The following CNTNAP2 variants were observed in gnomAD, a reference collection of about 807,000 sequenced individuals.
CNTNAP2 encodes the protein contactin associated protein 2, also known as contactin-associated protein-like 2.
CNTNAP2 carries 98 observed loss-of-function variants against 155.2 expected under a neutral mutation model. The ratio of observed to expected loss-of-function variants is 0.63; its 90% confidence interval spans 0.54 to 0.75. The LOEUF (loss-of-function observed/expected upper bound fraction) is 0.75. Among genes scored for constraint, CNTNAP2 ranks in the 30% least tolerant of loss-of-function variants. The pLI, the probability that CNTNAP2 is intolerant of heterozygous loss-of-function variation, is 0.00. For missense variants in CNTNAP2, 1,727 were observed against 1,688.1 expected (o/e 1.02, Z -0.40); for synonymous variants, 651 against 631.2 (o/e 1.03, Z -0.47).
chr7:147,585,051 C>T (rs952212453), intron 12 of CNTNAP2, among the ~76,000 whole-genome samples: 2 of 152,128 alleles, frequency 1.3e-5, no homozygotes, highest in African/African-American at 2.4e-5. Context: ...CTGTGTTGCC[C>T]ACAGCCTTCT....
At chr7:147,712,498 A>G (rs1245904012) in intron 13 of CNTNAP2, among the ~76,000 whole-genome samples, 2 of 152,208 alleles carry the variant, frequency 1.3e-5, no homozygotes, top group African/African-American at 2.4e-5. Flanking sequence ...AACCAATCCA[A>G]ATGCCCATCA....
intron 9 of CNTNAP2, among the ~76,000 whole-genome samples, chr7:147,374,733 AG>A (rs1456920232): frequency 1.3e-5 from 2 of 152,064 alleles, no homozygotes; most frequent in Non-Finnish European, 2.9e-5. Context: ...ACATAGGAAA[AG>A]AGGAATTTCC....
At chr7:146,307,857 G>T (rs1458632372) in intron 1 of CNTNAP2, among the ~76,000 whole-genome samples, 1 of 150,298 alleles carries the variant, frequency 6.7e-6, no homozygotes, top group East Asian at 1.9e-4. Context: ...TTAAATGTTA[G>T]ACCTAAAACC....
chr7:147,850,569 C>G (rs1483005752), intron 13 of CNTNAP2, among the ~76,000 whole-genome samples: 2 of 152,150 alleles, frequency 1.3e-5, no homozygotes, highest in African/African-American at 4.8e-5. Flanking sequence ...GGTGCCAAAA[C>G]AGATATATAG....
At chr7:146,948,216 A>C (rs1249709251) in intron 3 of CNTNAP2, among the ~76,000 whole-genome samples, 1 of 152,098 alleles carries the variant, frequency 6.6e-6, no homozygotes, top group Admixed American at 6.6e-5. Flanking sequence ...TTTTATGCCA[A>C]TTTCTTTGCA....
chr7:147,790,633 G>C (rs966733319), intron 13 of CNTNAP2, among the ~76,000 whole-genome samples: 5 of 152,172 alleles, frequency 3.3e-5, no homozygotes, highest in African/African-American at 4.8e-5. Context: ...CAGTTGTTTA[G>C]ATGCTATTCT....
At chr7:146,446,755 G>T (rs187112639) in intron 1 of CNTNAP2, among the ~76,000 whole-genome samples, 10 of 152,090 alleles carry the variant, frequency 6.6e-5, no homozygotes, top group African/African-American at 2.4e-4. Flanking sequence ...TGGCTGGAGA[G>T]AAATCTACTT....
intron 1 of CNTNAP2, among the ~76,000 whole-genome samples, chr7:146,686,032 C>A (rs1247390981): frequency 2.0e-5 from 3 of 152,106 alleles, no homozygotes; most frequent in African/African-American, 7.2e-5. Context: ...CATGATGGCT[C>A]ACACCTGTAA....
rs559026843 is a variant in CNTNAP2, at chr7:146,232,022, C to T, written c.97+115049C>T. Among the ~76,000 whole-genome samples, 46 of 152,110 alleles carry T rather than the reference C, an allele frequency of 3.0e-4. 2 individuals carry two copies. The South Asian group carries it at 9.1e-3, about 30-fold the overall frequency. On this transcript the variant is annotated intron_variant, in intron 1 of 23. Transcript: ENST00000361727. ...AGGTTATTCTGTTCTGTTTTCTATACCCATGCTAAGGTTCAAGAAACTATA... is the reference window on the plus strand; with the variant it reads ...AGGTTATTCTGTTCTGTTTTCTATATCCATGCTAAGGTTCAAGAAACTATA...
At chr7:148,182,698 A>G (rs1463696640) in intron 18 of CNTNAP2, among the ~76,000 whole-genome samples, 1 of 152,154 alleles carries the variant, frequency 6.6e-6, no homozygotes, top group Non-Finnish European at 1.5e-5. Context: ...GGCATTTTAT[A>G]TTTTTCTGTT....
rs554190321 is a variant in CNTNAP2 at position 146,369,649 on chromosome 7, A to G, written c.97+252676A>G. 3.9e-5 allele frequency among the ~76,000 whole-genome samples: 6 copies of G among 152,264 alleles called. No homozygotes were observed. The South Asian group carries it at 8.3e-4, about 21-fold the overall frequency. ...ATTAAATTATTATTTACCTTCACATATGTATAGTGGAACACTGAGCATATG... is the reference window on the plus strand; with the variant it reads ...ATTAAATTATTATTTACCTTCACATGTGTATAGTGGAACACTGAGCATATG... On this transcript the variant is annotated intron_variant, in intron 1 of 23. Coordinates refer to ENST00000361727, the MANE Select transcript of CNTNAP2 (RefSeq NM_014141.6).
At chr7:147,626,701 G>A (rs1315388630) in intron 12 of CNTNAP2, among the ~76,000 whole-genome samples, 1 of 152,124 alleles carries the variant, frequency 6.6e-6, no homozygotes, top group Non-Finnish European at 1.5e-5. Flanking sequence ...CTTCTGGTTG[G>A]AGGCCAACCA....
intron 21 of CNTNAP2, among the ~76,000 whole-genome samples, chr7:148,321,291 T>A (rs1489882974): frequency 6.6e-6 from 1 of 152,176 alleles, no homozygotes; most frequent in Non-Finnish European, 1.5e-5. Context: ...GTGTTGAGTG[T>A]AGGATTCTAA....
chr7:147,483,052 ATAAAT>A (rs1318148545), intron 10 of CNTNAP2, among the ~76,000 whole-genome samples: 1 of 151,836 alleles, frequency 6.6e-6, no homozygotes, highest in Non-Finnish European at 1.5e-5. Flanking sequence ...AAATCAGTAA[ATAAAT>A]TAATAAATAA....
intron 1 of CNTNAP2, among the ~76,000 whole-genome samples, chr7:146,734,978 C>T (rs1047215319): frequency 3.3e-5 from 5 of 151,884 alleles, no homozygotes; most frequent in Non-Finnish European, 7.4e-5. Flanking sequence ...GCTAAATGAA[C>T]CGAGAAAGAA....
At chr7:147,542,895 AAG>A (rs1438274807) in intron 11 of CNTNAP2, among the ~76,000 whole-genome samples, 1 of 152,142 alleles carries the variant, frequency 6.6e-6, no homozygotes, top group African/African-American at 2.4e-5. Flanking sequence ...TCTTTTCTTA[AAG>A]AGAGATTCCA....
At chr7:147,301,615 TG>T (rs1382773208) in intron 9 of CNTNAP2, among the ~76,000 whole-genome samples, 3 of 140,310 alleles carry the variant, frequency 2.1e-5, no homozygotes, top group Admixed American at 2.1e-4. Context: ...TGTGTGTGTG[TG>T]TGTGTGTGTG....
chr7:147,073,028 AT>A (rs1250704135), intron 4 of CNTNAP2, among the ~76,000 whole-genome samples: 1 of 149,560 alleles, frequency 6.7e-6, no homozygotes. Flanking sequence ...AATTTTTTGC[AT>A]TTTTAGTAGA....
chr7:146,313,734 C>T (rs975496748), intron 1 of CNTNAP2, among the ~76,000 whole-genome samples: 2 of 152,076 alleles, frequency 1.3e-5, no homozygotes, highest in Non-Finnish European at 2.9e-5. Context: ...CACGGTGGCT[C>T]ACAGCTGTAA....
Sources: allele counts gnomAD v4.1 joint callset (sites outside exome capture counted in the v4.1 genomes callset), GRCh38; gene constraint gnomAD v4.1.1; transcripts MANE v1.5; gene names NCBI Gene and HGNC (gene_info 2026-07-23, HGNC 2026-07-21).